Variants in NXPE4 observed in about 807,000 individuals in gnomAD.
NXPE4 encodes the protein neurexophilin and PC-esterase domain family member 4, also known as NXPE family member 4.
NXPE4 carries 42 observed loss-of-function variants against 33.3 expected under a neutral mutation model. The ratio of observed to expected loss-of-function variants is 1.26; its 90% CI spans 0.98 to 1.63. NXPE4 has a LOEUF of 1.63. Among genes scored for constraint, NXPE4 ranks in the 40% most tolerant of loss-of-function variants. The pLI is 0.00. For missense variants in NXPE4, 709 were observed against 647.6 expected (o/e 1.09, Z -1.03); for synonymous variants, 253 against 234.9 (o/e 1.08, Z -0.71).
intron 5 of NXPE4, 111 bp downstream of exon 5, chr11:114,580,021 G>A (rs1311942617): frequency 3.2e-6 from 3 of 935,560 alleles, no homozygotes; most frequent in Non-Finnish European, 5.0e-6. Context: ...TTGGTGTGTT[G>A]TGATTGAAGA....
At chr11:114,665,534 T>G in the NXPE4 span, among the ~76,000 whole-genome samples, 1 of 152,198 alleles carries the variant, frequency 6.6e-6, no homozygotes, top group Admixed American at 6.6e-5. Context: ...CAAAGAGTTA[T>G]GTACCTTTTA....
chr11:114,633,683 C>G, the NXPE4 span, among the ~76,000 whole-genome samples: 8 of 145,246 alleles, frequency 5.5e-5, no homozygotes, highest in African/African-American at 2.0e-4. Context: ...TCTCATTGTT[C>G]AATTCCCACC....
Position 114,580,204 on chromosome 11 carries a change from C to T in NXPE4, c.1027G>A (p.Gly343Arg). 6.2e-7 allele frequency: 1 copy of T among 1,614,046 alleles called. No individual in the cohort carries two copies. The highest frequency in any genetic ancestry group is 1.3e-5 in the African/African-American group (1 of 75,048). Residue 343 changes from glycine (G) to arginine (R), a missense_variant, in exon 5 of 6, where the codon GGA (glycine) becomes AGA (arginine). By Grantham distance (125) the Gly-to-Arg change is moderately radical. Coordinates refer to ENST00000375478, the MANE Select transcript of NXPE4 (RefSeq NM_001077639.2). Reference sequence around the variant, plus strand: ...TCTCCCATTAGGTATATGAGTTTTCCTCTCAGGCATTCCTTCATTTTGACT... The same window carrying T: ...TCTCCCATTAGGTATATGAGTTTTCTTCTCAGGCATTCCTTCATTTTGACT... ...ATVKMKECLR[G>R]KLIYLMGDST...
At chr11:114,610,208 A>T in the NXPE4 span, among the ~76,000 whole-genome samples, 1 of 151,818 alleles carries the variant, frequency 6.6e-6, no homozygotes, top group Non-Finnish European at 1.5e-5. Flanking sequence ...AGCCACTGTT[A>T]CCCAGTCAAT....
At chr11:114,652,649 T>C in the NXPE4 span, among the ~76,000 whole-genome samples, 1 of 152,192 alleles carries the variant, frequency 6.6e-6, no homozygotes, top group Non-Finnish European at 1.5e-5. Context: ...TTGAAATCAT[T>C]CTTGAAGTTA....
intron 5 of NXPE4, 147 bp from the exon 6 acceptor site, chr11:114,571,620 G>T: frequency 1.3e-6 from 1 of 781,172 alleles, no homozygotes; most frequent in Non-Finnish European, 2.0e-6. Context: ...GGATGTTTTT[G>T]AAAATTATTT....
intron 2 of NXPE4, among the ~76,000 whole-genome samples, chr11:114,589,960 T>C (rs1200050518): frequency 6.6e-6 from 1 of 152,200 alleles, no homozygotes; most frequent in Non-Finnish European, 1.5e-5. Context: ...GGGAACTAAA[T>C]GGTTTACAGT....
At chr11:114,612,806 G>A in the NXPE4 span, among the ~76,000 whole-genome samples, 11 of 151,836 alleles carry the variant, frequency 7.2e-5, no homozygotes, top group East Asian at 2.0e-4. Context: ...GTGTTGCCTC[G>A]TGGGAAAGCA....
chr11:114,580,395 G>A, intron 4 of NXPE4, 57 bp from the exon 5 acceptor site: 1 of 1,473,698 alleles, frequency 6.8e-7, no homozygotes, highest in South Asian at 1.1e-5. Flanking sequence ...CCGTCAGTAT[G>A]TATTAAGAGC....
chr11:114,611,233 C>T, the NXPE4 span, among the ~76,000 whole-genome samples: 1 of 151,764 alleles, frequency 6.6e-6, no homozygotes, highest in Non-Finnish European at 1.5e-5. Flanking sequence ...CCACTGTTAT[C>T]CAGTCAATAA....
Position 114,582,695 on chromosome 11 carries a change from C to T in NXPE4, c.423G>A (p.Arg141=). Reference sequence around the variant, plus strand: ...CTGCCATCAGCGCTGGGGAAGACATCCTGGCCCTCAGGAAATCCCCGCCAT... The same window carrying T: ...CTGCCATCAGCGCTGGGGAAGACATTCTGGCCCTCAGGAAATCCCCGCCAT... The part of the protein sequence containing the change: ...KQYGGDFLRA[R]MSSPALMAGA... Residue 141 remains arginine (R), a synonymous_variant, in exon 3 of 6, where the codon AGG becomes AGA. Transcript: ENST00000375478. 2 of 1,614,144 alleles carry T rather than the reference C, an allele frequency of 1.2e-6. No homozygotes were observed. Among genetic ancestry groups the T allele is most frequent in the Non-Finnish European group, 1.7e-6 (2 of 1,180,002 alleles).
At chr11:114,659,279 C>T in the NXPE4 span, among the ~76,000 whole-genome samples, 7 of 151,994 alleles carry the variant, frequency 4.6e-5, no homozygotes, top group African/African-American at 1.7e-4. Flanking sequence ...GCAAGGCAAT[C>T]AATAGACTCA....
chr11:114,652,855 T>C, the NXPE4 span, among the ~76,000 whole-genome samples: 2 of 152,168 alleles, frequency 1.3e-5, no homozygotes, highest in South Asian at 4.1e-4. Flanking sequence ...CTAGAGCATT[T>C]TCCATTTGGT....
chr11:114,582,152 A>G (rs1949160942), intron 3 of NXPE4, 136 bp downstream of exon 3: 3 of 910,372 alleles, frequency 3.3e-6, no homozygotes, highest in Non-Finnish European at 4.9e-6. Flanking sequence ...CTCTAAATGA[A>G]TTCACAGATC....
At chr11:114,602,156 ATTAT>A in the NXPE4 span, among the ~76,000 whole-genome samples, 5 of 105,784 alleles carry the variant, frequency 4.7e-5, no homozygotes, top group Admixed American at 1.5e-4. Flanking sequence ...TATAATATAC[ATTAT>A]TTATAATATA....
At chr11:114,583,435 T>A in intron 2 of NXPE4, 1 of 667,560 alleles carries the variant, frequency 1.5e-6, no homozygotes, top group Non-Finnish European at 2.8e-6. Flanking sequence ...AAGCCAATGC[T>A]GAGGAGATGA....
chr11:114,620,976 T>A, the NXPE4 span, among the ~76,000 whole-genome samples: 1 of 152,186 alleles, frequency 6.6e-6, no homozygotes, highest in South Asian at 2.1e-4. Flanking sequence ...CCCTCATGGG[T>A]AACCACTGTT....
chr11:114,634,427 G>T, the NXPE4 span, among the ~76,000 whole-genome samples: 3 of 152,058 alleles, frequency 2.0e-5, no homozygotes, highest in Non-Finnish European at 4.4e-5. Flanking sequence ...TGTTCACTCT[G>T]ATGGTAGTTT....
the NXPE4 span, among the ~76,000 whole-genome samples, chr11:114,601,060 A>T: frequency 6.6e-6 from 1 of 152,002 alleles, no homozygotes; most frequent in Admixed American, 6.6e-5. Context: ...TAATCTATCA[A>T]TGTCACACTG....
Sources: gnomAD v4.1 joint callset for allele counts (sites outside exome capture counted in the v4.1 genomes callset) on GRCh38, gnomAD v4.1.1 for gene constraint, MANE v1.5 for transcripts, NCBI Gene and HGNC (gene_info 2026-07-23, HGNC 2026-07-21) for gene names.